The following CTNNA2 variants were observed in gnomAD, a reference collection of about 807,000 sequenced individuals.
CTNNA2 encodes catenin alpha-2.
A neutral mutation model predicts 101.0 loss-of-function variants in CTNNA2; 42 were observed. That is an observed-to-expected ratio of 0.42 (90% CI 0.32 to 0.54). The LOEUF (loss-of-function observed/expected upper bound fraction) is 0.54. Ranked by LOEUF, CTNNA2 falls within the 20% of genes least tolerant of loss-of-function variation. CTNNA2 has a pLI of 0.14. For synonymous variants in CTNNA2, 450 were observed against 456.4 expected, an observed-to-expected ratio of 0.99 and a Z score of 0.18; for missense variants, 871 against 1,223.1, an observed-to-expected ratio of 0.71 and a Z score of 4.29.
intron 7 of CTNNA2, among the ~76,000 whole-genome samples, chr2:80,313,179 C>G (rs2149231655): frequency 6.6e-6 from 1 of 152,324 alleles, no homozygotes. Context: ...TAGGAAATCC[C>G]TCACCATCCA....
At chr2:79,231,887 C>T (rs1416067149) in intron 2 of CTNNA2, among the ~76,000 whole-genome samples, 2 of 152,100 alleles carry the variant, frequency 1.3e-5, no homozygotes, top group African/African-American at 2.4e-5. Context: ...AGAAATTCTA[C>T]TGCTTTCTAT....
At chr2:79,819,597 A>T (rs1677850166) in intron 3 of CTNNA2, among the ~76,000 whole-genome samples, 1 of 152,178 alleles carries the variant, frequency 6.6e-6, no homozygotes. Context: ...ATGGTGGATA[A>T]AACATTTCCA....
At chr2:80,035,052 A>T (rs908322383) in intron 7 of CTNNA2, among the ~76,000 whole-genome samples, 7 of 152,216 alleles carry the variant, frequency 4.6e-5, no homozygotes, top group African/African-American at 7.2e-5. Flanking sequence ...GGGACTGGTT[A>T]AATGAAGTAT....
intron 2 of CTNNA2, among the ~76,000 whole-genome samples, chr2:79,660,245 G>T (rs555784284): frequency 1.5e-5 from 2 of 132,484 alleles, no homozygotes; most frequent in Non-Finnish European, 1.7e-5. Flanking sequence ...TACTATATAT[G>T]TGTATATACA....
At chr2:79,756,106 A>C (rs1308892878) in intron 3 of CTNNA2, among the ~76,000 whole-genome samples, 1 of 151,446 alleles carries the variant, frequency 6.6e-6, no homozygotes, top group Non-Finnish European at 1.5e-5. Flanking sequence ...TGTGGCTTTT[A>C]TTGCAAGACA....
At chr2:79,689,000 G>T (rs1051822006) in intron 2 of CTNNA2, among the ~76,000 whole-genome samples, 1 of 151,894 alleles carries the variant, frequency 6.6e-6, no homozygotes, top group Admixed American at 6.6e-5. Flanking sequence ...GAATCATCTG[G>T]AGGGGTATTC....
rs568575526 is a variant in CTNNA2 at position 79,542,994 on chromosome 2, CAT to C, written c.-6+29788_-6+29789del. ...ATTTTCTACCATTTTAAAAACAACTCATGTGTTTTTAAAATTTCAAATTCATT... is the reference window on the plus strand; with the variant it reads ...ATTTTCTACCATTTTAAAAACAACTCGTGTTTTTAAAATTTCAAATTCATT... On this transcript the variant is annotated intron_variant, in intron 1 of 18. Coordinates refer to ENST00000402739, the MANE Select transcript of CTNNA2 (RefSeq NM_001282597.3). Among the ~76,000 whole-genome samples, 38 of 152,130 alleles carry C rather than the reference CAT, an allele frequency of 2.5e-4. 1 individual carries two copies. The South Asian group carries it at 5.8e-3, about 23-fold the overall frequency.
intron 2 of CTNNA2, among the ~76,000 whole-genome samples, chr2:79,718,548 TG>T (rs1196160110): frequency 6.6e-6 from 1 of 152,198 alleles, no homozygotes; most frequent in East Asian, 1.9e-4. Context: ...GCCTTAAAGA[TG>T]AAGCCTCCAG....
intron 4 of CTNNA2, among the ~76,000 whole-genome samples, chr2:79,455,968 G>A (rs532934491): frequency 6.6e-6 from 1 of 151,934 alleles, no homozygotes; most frequent in East Asian, 1.9e-4. Flanking sequence ...AAGGTTGAGA[G>A]TATCCAGGTA....
At chr2:80,554,313 T>G (rs568128523) in intron 11 of CTNNA2, among the ~76,000 whole-genome samples, 2 of 152,202 alleles carry the variant, frequency 1.3e-5, no homozygotes, top group African/African-American at 2.4e-5. Flanking sequence ...ATTTTAACTA[T>G]TTATGAACTA....
chr2:79,986,328 A>G lies in CTNNA2; in HGVS notation c.1056+76531A>G, dbSNP rs142147930. On this transcript the variant is annotated intron_variant, in intron 7 of 18. Coordinates refer to ENST00000402739, the MANE Select transcript of CTNNA2 (RefSeq NM_001282597.3). Reference sequence around the variant, plus strand: ...ATGTTCTTTGAGGATATTCCTCTTTACTTTGTAACCATCACTTGCCCATCC... The same window carrying G: ...ATGTTCTTTGAGGATATTCCTCTTTGCTTTGTAACCATCACTTGCCCATCC... 3.6e-3 allele frequency among the ~76,000 whole-genome samples: 541 copies of G among 152,134 alleles called. 4 individuals are homozygous for G. Among genetic ancestry groups the G allele is most frequent in the African/African-American group, 0.012 (510 of 41,498 alleles).
chr2:79,990,524 T>A (rs6710179), intron 7 of CTNNA2, among the ~76,000 whole-genome samples: 1 of 152,166 alleles, frequency 6.6e-6, no homozygotes, highest in Non-Finnish European at 1.5e-5. Context: ...AGCTGTGTGA[T>A]GTTTGGCAAA....
intron 7 of CTNNA2, among the ~76,000 whole-genome samples, chr2:80,213,230 C>A (rs551046722): frequency 2.0e-5 from 3 of 152,086 alleles, no homozygotes; most frequent in Admixed American, 1.3e-4. Flanking sequence ...CTCCTCTGAT[C>A]TTAGTTATTT....
chr2:80,151,063 T>C (rs974761925), intron 7 of CTNNA2, among the ~76,000 whole-genome samples: 8 of 152,206 alleles, frequency 5.3e-5, no homozygotes, highest in African/African-American at 1.9e-4. Flanking sequence ...GGCATTTCTC[T>C]GTAAGCCTAC....
At chr2:79,931,966 G>A (rs560649733) in intron 7 of CTNNA2, among the ~76,000 whole-genome samples, 115 of 152,176 alleles carry the variant, frequency 7.6e-4, no homozygotes, top group Non-Finnish European at 1.3e-3. Context: ...AAACAGTTGC[G>A]TATGGAAGGT....
intron 14 of CTNNA2, among the ~76,000 whole-genome samples, chr2:80,584,059 A>G (rs911884155): frequency 1.3e-5 from 2 of 152,138 alleles, no homozygotes; most frequent in Non-Finnish European, 2.9e-5. Flanking sequence ...ACATGGAATT[A>G]TGGCTGTTAA....
intron 7 of CTNNA2, among the ~76,000 whole-genome samples, chr2:80,121,868 C>T (rs1203822261): frequency 2.0e-5 from 3 of 152,044 alleles, no homozygotes; most frequent in African/African-American, 7.2e-5. Context: ...CTAGAGGAGC[C>T]GTTCATCTGT....
chr2:79,498,122 T>C (rs1300184097), intron 4 of CTNNA2: 1 of 152,216 alleles, frequency 6.6e-6, no homozygotes. Context: ...TCCTCCTATA[T>C]GTAGATACCA....
chr2:80,180,596 C>T (rs530408320), intron 7 of CTNNA2, among the ~76,000 whole-genome samples: 42 of 152,254 alleles, frequency 2.8e-4, no homozygotes, highest in Admixed American at 5.2e-4. Flanking sequence ...TGAGTGACTG[C>T]GGTTCCTCTT....
Sources: allele counts gnomAD v4.1 joint callset (sites outside exome capture counted in the v4.1 genomes callset), GRCh38; gene constraint gnomAD v4.1.1; transcripts MANE v1.5; gene names NCBI Gene and HGNC (gene_info 2026-07-23, HGNC 2026-07-21).